GNPAT: variants seen among roughly 807,000 people sequenced by gnomAD.
GNPAT encodes glyceronephosphate O-acyltransferase.
A neutral mutation model predicts 78.4 loss-of-function variants in GNPAT; 30 were observed. The ratio of observed to expected loss-of-function variants is 0.38; its 90% CI spans 0.29 to 0.52. The LOEUF (loss-of-function observed/expected upper bound fraction) is 0.52, where lower values mean the gene tolerates loss of function less well. Ranked by LOEUF, GNPAT falls within the 20% of genes least tolerant of loss-of-function variation. The pLI, the probability that GNPAT is intolerant of heterozygous loss-of-function variation, is 0.84. For synonymous variants in GNPAT, 271 were observed against 281.1 expected (o/e 0.96, Z 0.36); for missense variants, 714 against 812.2 (o/e 0.88, Z 1.47).
At position 231,275,454 on chromosome 1, in the gene GNPAT, C is replaced by CT; in HGVS notation, c.1895dup (p.Leu632PhefsTer17). On this transcript the variant is annotated frameshift_variant, in exon 14 of 16. Transcript: ENST00000366647. LOFTEE classifies it high-confidence loss of function. ...TATCTTCTGATGTGCAGAAAAACGC[C>CT]TTAGCAGCCTGTGTGAGGCTCGGAG... is the stretch of plus-strand genomic sequence containing the variant. The CT allele has an allele frequency of 6.2e-7, 1 of 1,612,246 alleles. No homozygotes were observed. The highest frequency in any genetic ancestry group is 8.5e-7 in the Non-Finnish European group (1 of 1,178,352).
chr1:231,243,917 T>C (rs1447045224), intron 1 of GNPAT, among the ~76,000 whole-genome samples: 1 of 149,198 alleles, frequency 6.7e-6, no homozygotes, highest in Non-Finnish European at 1.5e-5. Flanking sequence ...TGTATATGTA[T>C]TTTTTTTTTG....
intron 2 of GNPAT, among the ~76,000 whole-genome samples, chr1:231,255,073 T>G (rs561561270): frequency 6.6e-6 from 1 of 152,228 alleles, no homozygotes; most frequent in South Asian, 2.1e-4. Flanking sequence ...TTTAAACTAT[T>G]GTTAGTGCTC....
At chr1:231,247,721 A>C (rs893444508) in intron 1 of GNPAT, among the ~76,000 whole-genome samples, 5 of 152,228 alleles carry the variant, frequency 3.3e-5, no homozygotes, top group African/African-American at 4.8e-5. Flanking sequence ...ATAGGCATTC[A>C]GATATTTGAG....
At position 231,265,723 on chromosome 1, in the gene GNPAT, T is replaced by C; in HGVS notation, c.708T>C (p.Ala236=). 1 of 1,592,070 alleles carries C rather than the reference T, an allele frequency of 6.3e-7. No homozygotes were observed. Among genetic ancestry groups the C allele is most frequent in the Non-Finnish European group, 8.6e-7 (1 of 1,159,802 alleles). Residue 236 remains alanine, a synonymous_variant, in exon 6 of 16, where the codon GCT becomes GCC. Coordinates refer to ENST00000366647, the MANE Select transcript of GNPAT (RefSeq NM_014236.4). ...YVKTMLRNGY[A]PVEFFLEGTR... is the part of the protein sequence containing the mutation. The stretch of plus-strand genomic sequence containing the variant: ...TTTTCTCTTTAAAGAATGGTTATGC[T>C]CCTGTTGAATTTTTCCTCGAAGGGA...
Position 231,275,441 on chromosome 1 carries a change from T to C in GNPAT, c.1880T>C (p.Val627Ala), listed in dbSNP as rs1685684861. The C allele has an allele frequency of 6.2e-7, 1 of 1,612,402 alleles. No homozygotes were observed. Among genetic ancestry groups the C allele is most frequent in the Non-Finnish European group, 8.5e-7 (1 of 1,178,506 alleles). ...TGTTATGATGTATTATCTTCTGATGTGCAGAAAAACGCCTTAGCAGCCTGT... is the reference window on the plus strand; with the variant it reads ...TGTTATGATGTATTATCTTCTGATGCGCAGAAAAACGCCTTAGCAGCCTGT... Reference protein sequence around the residue: ...SQCYDVLSSDVQKNALAACVR... With the variant: ...SQCYDVLSSDAQKNALAACVR... Residue 627 changes from valine (V) to alanine (A), a missense_variant, in exon 14 of 16, where the codon GTG (valine) becomes GCG (alanine). Transcript: ENST00000366647.
At chr1:231,274,745 ACT>A in intron 12 of GNPAT, among the ~76,000 whole-genome samples, 1 of 152,158 alleles carries the variant, frequency 6.6e-6, no homozygotes. Context: ...CCGTGAAATA[ACT>A]CATTCAGCCT....
At chr1:231,249,398 C>T (rs1221859277) in intron 1 of GNPAT, among the ~76,000 whole-genome samples, 1 of 152,132 alleles carries the variant, frequency 6.6e-6, no homozygotes, top group African/African-American at 2.4e-5. Context: ...ATTCTTATGC[C>T]AAATTGTGGT....
rs1048288079 is a variant in GNPAT, at chr1:231,263,363, G to A, written c.568+511G>A. On this transcript the variant is annotated intron_variant, in intron 4 of 15. Transcript: ENST00000366647. ...ATGGTACCCATTCAACACACTCCCC[G>A]TTCTACCCTCCCCCTGACCCTGGGC... 5.3e-5 allele frequency among the ~76,000 whole-genome samples: 8 copies of A among 151,828 alleles called. No individual in the cohort carries two copies. The East Asian group carries it at 5.8e-4, about 11-fold the overall frequency.
At chr1:231,243,152 A>G (rs1053250880) in intron 1 of GNPAT, among the ~76,000 whole-genome samples, 1 of 152,238 alleles carries the variant, frequency 6.6e-6, no homozygotes, top group African/African-American at 2.4e-5. Flanking sequence ...AAGGGCACAA[A>G]AAGTCATAAA....
chr1:231,261,402 T>TCTCA (rs1177237520), intron 3 of GNPAT, among the ~76,000 whole-genome samples: 4 of 152,188 alleles, frequency 2.6e-5, no homozygotes, highest in Admixed American at 2.6e-4. Flanking sequence ...AGTGATGTTA[T>TCTCA]CTCAGTATTG....
rs1571930649 is a variant in GNPAT, at chr1:231,247,107, A to G, written c.79-3854A>G. On this transcript the variant is annotated intron_variant, in intron 1 of 15. Transcript: ENST00000366647. Reference sequence around the variant, plus strand: ...CGTGAACCCGGGAGGCGGAGCTTGCAGTGAGCTGAGATCGTGCCACTGCAC... The same window carrying G: ...CGTGAACCCGGGAGGCGGAGCTTGCGGTGAGCTGAGATCGTGCCACTGCAC... Among the ~76,000 whole-genome samples, 7 of 151,060 alleles carry G rather than the reference A, an allele frequency of 4.6e-5. 2 individuals carry two copies. Among genetic ancestry groups the G allele is most frequent in the Admixed American group, 4.6e-4 (7 of 15,150 alleles).
At chr1:231,262,416 G>T (rs1043391600) in intron 3 of GNPAT, among the ~76,000 whole-genome samples, 1 of 152,180 alleles carries the variant, frequency 6.6e-6, no homozygotes, top group African/African-American at 2.4e-5. Flanking sequence ...AACAAAGCAC[G>T]TAAGATAACT....
At chr1:231,248,564 A>G (rs1684810723) in intron 1 of GNPAT, among the ~76,000 whole-genome samples, 2 of 150,938 alleles carry the variant, frequency 1.3e-5, no homozygotes, top group African/African-American at 2.5e-5. Context: ...CCCCGTCTCT[A>G]TTGAAAAAAA....
At chr1:231,248,876 C>A (rs1301471165) in intron 1 of GNPAT, among the ~76,000 whole-genome samples, 1 of 152,188 alleles carries the variant, frequency 6.6e-6, no homozygotes, top group Non-Finnish European at 1.5e-5. Flanking sequence ...AGGCTAACCA[C>A]TATACTATAT....
In GNPAT at chr1:231,247,783, C is replaced by G. The variant is rs147295140; in HGVS notation, c.79-3178C>G. Among the ~76,000 whole-genome samples the G allele has an allele frequency of 7.9e-5, 12 of 152,250 alleles. No individual in the cohort carries two copies. The East Asian group carries it at 2.3e-3, about 29-fold the overall frequency. The stretch of plus-strand genomic sequence containing the variant: ...AACTTGAATCAGAGATCTGGGAACA[C>G]GTAGTGTGTTTAGGGAACTGCAGGT... On this transcript the variant is annotated intron_variant, in intron 1 of 15. Transcript: ENST00000366647.
intron 9 of GNPAT, among the ~76,000 whole-genome samples, chr1:231,268,312 G>A (rs1292198897): frequency 2.0e-5 from 3 of 151,950 alleles, no homozygotes; most frequent in Non-Finnish European, 2.9e-5. Flanking sequence ...AAAAAAGAAA[G>A]AAAAAGAGAA....
intron 6 of GNPAT, 68 bp from the exon 7 acceptor site, chr1:231,265,946 C>T (rs767485938): frequency 2.5e-5 from 33 of 1,328,536 alleles, no homozygotes; most frequent in South Asian, 4.7e-5. Flanking sequence ...TAGTATTTTC[C>T]GTTTATGTGC....
chr1:231,277,973 A>T lies in GNPAT; in HGVS notation c.*431A>T, dbSNP rs1685763454. ...TTAATTAAAGTTGCCTCAAACAAGT[A>T]CAAATTTGAAAGAGATATTTAATAA... is the stretch of plus-strand genomic sequence containing the variant. On this transcript the variant is annotated 3_prime_UTR_variant, in exon 16 of 16. Transcript: ENST00000366647. The T allele has an allele frequency of 6.2e-6, 1 of 160,652 alleles. No individual in the cohort carries two copies. The highest frequency in any genetic ancestry group is 2.4e-5 in the African/African-American group (1 of 41,604). The allele number at this position is 160,652 out of a possible 1,614,324, so 10.0% of individuals were successfully genotyped here. A position where few individuals can be genotyped will look rare whatever the true frequency, so the allele number is the denominator to read the frequency against.
At chr1:231,250,735 T>C (rs1240559419) in intron 1 of GNPAT, among the ~76,000 whole-genome samples, 6 of 152,304 alleles carry the variant, frequency 3.9e-5, no homozygotes, top group East Asian at 3.9e-4. Context: ...ATGATAGCAA[T>C]CAGAAATATA....
Sources: gnomAD v4.1 joint callset for allele counts (sites outside exome capture counted in the v4.1 genomes callset) on GRCh38, gnomAD v4.1.1 for gene constraint, MANE v1.5 for transcripts, NCBI Gene and HGNC (gene_info 2026-07-23, HGNC 2026-07-21) for gene names.